The following TAF3 variants were observed in gnomAD, a reference collection of about 807,000 sequenced individuals.
TAF3 encodes TATA-box binding protein associated factor 3, also known as transcription initiation factor TFIID subunit 3.
In TAF3, 7 loss-of-function variants were observed where a neutral mutation model predicts 80.6. The observed-to-expected ratio is 0.09, with a 90% CI of 0.05 to 0.16. TAF3 has a LOEUF of 0.16. TAF3 is among the 10% of genes least tolerant of loss of function. The pLI, the probability that TAF3 is intolerant of heterozygous loss-of-function variation, is 1.00. For synonymous variants in TAF3, 444 were observed against 446.1 expected (o/e 1.00, Z 0.06); for missense variants, 921 against 1,140.2 (o/e 0.81, Z 2.77).
At chr10:7,896,804 T>C (rs1357733954) in intron 2 of TAF3, among the ~76,000 whole-genome samples, 2 of 152,206 alleles carry the variant, frequency 1.3e-5, no homozygotes, top group Non-Finnish European at 2.9e-5. Context: ...CAGAAATTCA[T>C]TGTGGTTCAT....
rs113656736 is a variant in TAF3 at position 7,837,504 on chromosome 10, G to C, written c.409+12944G>C. Among the ~76,000 whole-genome samples the C allele has an allele frequency of 5.8e-3, 880 of 152,246 alleles. 4 individuals carry two copies. The highest frequency in any genetic ancestry group is 9.4e-3 in the Non-Finnish European group (639 of 68,014). On this transcript the variant is annotated intron_variant, in intron 2 of 6. Coordinates refer to ENST00000344293, the MANE Select transcript of TAF3 (RefSeq NM_031923.4). ...CTAAAAATACAAAAATTAGCTGGGC[G>C]TGGTGGTGCGTGCCTGTAATCTCAT...
intron 2 of TAF3, among the ~76,000 whole-genome samples, chr10:7,921,610 T>A (rs1837762887): frequency 6.6e-6 from 1 of 152,182 alleles, no homozygotes; most frequent in Non-Finnish European, 1.5e-5. Context: ...GATATATTTG[T>A]GTGAATCTAT....
intron 2 of TAF3, among the ~76,000 whole-genome samples, chr10:7,904,045 G>A (rs183766792): frequency 1.4e-3 from 214 of 152,280 alleles, no homozygotes; most frequent in African/African-American, 4.9e-3. Flanking sequence ...CAGTGTACTT[G>A]GAAACAAGGG....
chr10:8,006,177 A>AC (rs1564382135), intron 4 of TAF3, among the ~76,000 whole-genome samples: 2 of 106,154 alleles, frequency 1.9e-5, no homozygotes, highest in African/African-American at 7.8e-5. Flanking sequence ...TGAAAAAAAA[A>AC]ATACACACAC....
chr10:7,972,837 A>G (rs1218109868), intron 3 of TAF3, among the ~76,000 whole-genome samples: 1 of 152,222 alleles, frequency 6.6e-6, no homozygotes, highest in Admixed American at 6.5e-5. Flanking sequence ...CAGTTTCCAT[A>G]TAAACTAGTT....
At chr10:7,903,309 C>A (rs772269094) in intron 2 of TAF3, among the ~76,000 whole-genome samples, 49 of 152,126 alleles carry the variant, frequency 3.2e-4, no homozygotes, top group Non-Finnish European at 4.3e-4. Flanking sequence ...CTACAGGTGA[C>A]CCCTGTGTCC....
At chr10:7,959,311 T>TA (rs893857849) in intron 2 of TAF3, among the ~76,000 whole-genome samples, 8 of 152,240 alleles carry the variant, frequency 5.3e-5, no homozygotes, top group Middle Eastern at 3.4e-3. Context: ...TTGTTTGTTC[T>TA]AAAAAAAATC....
chr10:7,989,599 T>TG (rs1312610607), intron 4 of TAF3, among the ~76,000 whole-genome samples: 3 of 152,232 alleles, frequency 2.0e-5, no homozygotes, highest in African/African-American at 7.2e-5. Flanking sequence ...TCATAGATTC[T>TG]AAATTAAAAC....
chr10:7,836,902 A>G (rs767583692), intron 2 of TAF3, among the ~76,000 whole-genome samples: 10 of 152,198 alleles, frequency 6.6e-5, no homozygotes, highest in Non-Finnish European at 1.2e-4. Context: ...AAAAATACCT[A>G]TGGAGAGGAG....
chr10:7,859,608 G>C (rs1837123552), intron 2 of TAF3, among the ~76,000 whole-genome samples: 1 of 152,110 alleles, frequency 6.6e-6, no homozygotes, highest in Non-Finnish European at 1.5e-5. Context: ...CCCTCCATTT[G>C]CCCTCCATTT....
chr10:7,829,567 T>C (rs1836777902), intron 2 of TAF3, among the ~76,000 whole-genome samples: 1 of 152,200 alleles, frequency 6.6e-6, no homozygotes, highest in Non-Finnish European at 1.5e-5. Flanking sequence ...GTTTTCCTCA[T>C]GATTAGACTG....
At chr10:7,898,921 G>A (rs1409390935) in intron 2 of TAF3, among the ~76,000 whole-genome samples, 3 of 152,118 alleles carry the variant, frequency 2.0e-5, no homozygotes, top group South Asian at 2.1e-4. Context: ...AGTTTCATGC[G>A]TACTGTCAGG....
intron 2 of TAF3, among the ~76,000 whole-genome samples, chr10:7,833,188 A>G (rs1836818891): frequency 6.6e-6 from 1 of 152,210 alleles, no homozygotes; most frequent in East Asian, 1.9e-4. Context: ...AATCTCTTCC[A>G]CATAATCTTT....
intron 1 of TAF3, 118 bp from the exon 2 acceptor site, chr10:7,824,200 A>G: frequency 8.7e-7 from 1 of 1,150,638 alleles, no homozygotes; most frequent in South Asian, 1.7e-5. Context: ...CTTTCCAATA[A>G]CTAGGTTAAA....
At chr10:7,887,451 A>T (rs1837419294) in intron 2 of TAF3, among the ~76,000 whole-genome samples, 1 of 152,086 alleles carries the variant, frequency 6.6e-6, no homozygotes, top group South Asian at 2.1e-4. Context: ...TACCATCGAG[A>T]GACTCCGGAT....
At chr10:7,944,089 A>G (rs932091166) in intron 2 of TAF3, among the ~76,000 whole-genome samples, 1 of 126,866 alleles carries the variant, frequency 7.9e-6, no homozygotes, top group Non-Finnish European at 1.6e-5. Context: ...TAAAATGTTC[A>G]TGCTTGTGTG....
intron 2 of TAF3, among the ~76,000 whole-genome samples, chr10:7,851,944 T>G (rs1837031121): frequency 6.8e-6 from 1 of 146,714 alleles, no homozygotes; most frequent in African/African-American, 2.5e-5. Context: ...CATGCCTGGC[T>G]TTTTTTTTTT....
intron 2 of TAF3, among the ~76,000 whole-genome samples, chr10:7,928,635 C>T (rs1488995031): frequency 2.0e-5 from 3 of 152,042 alleles, no homozygotes; most frequent in East Asian, 3.9e-4. Flanking sequence ...GTTGTGTTGG[C>T]GATTTAGAAC....
chr10:7,836,948 T>C (rs2131110275), intron 2 of TAF3, among the ~76,000 whole-genome samples: 1 of 152,304 alleles, frequency 6.6e-6, no homozygotes, highest in Non-Finnish European at 1.5e-5. Flanking sequence ...AGAGCTTTGG[T>C]TGAGTGTGAT....
Sources: allele counts gnomAD v4.1 joint callset (sites outside exome capture counted in the v4.1 genomes callset), GRCh38; gene constraint gnomAD v4.1.1; transcripts MANE v1.5; gene names NCBI Gene and HGNC (gene_info 2026-07-23, HGNC 2026-07-21).